The following NCOA7 variants were observed in gnomAD, a reference collection of about 807,000 sequenced individuals.
The protein encoded by NCOA7 is nuclear receptor coactivator 7.
NCOA7 carries 45 observed loss-of-function variants against 104.3 expected under a neutral mutation model. The ratio of observed to expected loss-of-function variants is 0.43; its 90% CI spans 0.34 to 0.55. The LOEUF (loss-of-function observed/expected upper bound fraction) is 0.55, where lower values mean the gene tolerates loss of function less well. Ranked by LOEUF, NCOA7 falls within the 20% of genes least tolerant of loss-of-function variation. NCOA7 has a pLI of 0.02. For missense variants in NCOA7, 1,041 were observed against 1,119.7 expected (o/e 0.93, Z 1.00); for synonymous variants, 398 against 402.3 (o/e 0.99, Z 0.13).
intron 7 of NCOA7, among the ~76,000 whole-genome samples, chr6:125,883,097 G>C (rs1221060123): frequency 6.6e-6 from 1 of 152,178 alleles, no homozygotes; most frequent in African/African-American, 2.4e-5. Flanking sequence ...AATATCTGCT[G>C]TATCTTCTTT....
intron 11 of NCOA7, among the ~76,000 whole-genome samples, chr6:125,920,282 C>T (rs1237923323): frequency 2.0e-5 from 3 of 152,138 alleles, no homozygotes; most frequent in African/African-American, 4.8e-5. Context: ...TGTTATCATT[C>T]GTTATTTCTA....
chr6:125,897,171 A>G (rs1340675511), intron 10 of NCOA7, among the ~76,000 whole-genome samples: 1 of 152,226 alleles, frequency 6.6e-6, no homozygotes, highest in Non-Finnish European at 1.5e-5. Context: ...TATATACCTG[A>G]TAGTCCAATT....
chr6:125,802,640 G>A (rs576723297), intron 1 of NCOA7, among the ~76,000 whole-genome samples: 2 of 152,200 alleles, frequency 1.3e-5, no homozygotes, highest in African/African-American at 4.8e-5. Context: ...GAGCTGCACA[G>A]CAAAGGGTAC....
intron 15 of NCOA7, 70 bp from the exon 16 acceptor site, chr6:125,928,566 G>A (rs1057349214): frequency 2.0e-5 from 30 of 1,518,074 alleles, no homozygotes; most frequent in Non-Finnish European, 2.6e-5. Context: ...GAAGATGGGG[G>A]CAAGAGAGAA....
chr6:125,813,195 A>G (rs2128568484), intron 1 of NCOA7, among the ~76,000 whole-genome samples: 1 of 152,258 alleles, frequency 6.6e-6, no homozygotes, highest in Non-Finnish European at 1.5e-5. Flanking sequence ...ATGGCTCTGC[A>G]AATGCTGCCG....
chr6:125,870,700 T>TGA (rs1320647752), intron 3 of NCOA7, among the ~76,000 whole-genome samples: 3 of 152,112 alleles, frequency 2.0e-5, no homozygotes, highest in African/African-American at 4.8e-5. Flanking sequence ...CCCCAGTTCA[T>TGA]GAGAGAGAGA....
intron 3 of NCOA7, among the ~76,000 whole-genome samples, chr6:125,861,690 G>A (rs1782061087): frequency 6.6e-6 from 1 of 152,136 alleles, no homozygotes; most frequent in Non-Finnish European, 1.5e-5. Flanking sequence ...GTGGTGAGAG[G>A]ACAAACCTGA....
At chr6:125,903,434 T>G (rs1237657677) in intron 10 of NCOA7, among the ~76,000 whole-genome samples, 1 of 152,172 alleles carries the variant, frequency 6.6e-6, no homozygotes, top group Non-Finnish European at 1.5e-5. Flanking sequence ...ACAGCAGTCC[T>G]TCTCAAGCAC....
At chr6:125,905,882 C>T (rs1019890079) in intron 10 of NCOA7, among the ~76,000 whole-genome samples, 2 of 152,122 alleles carry the variant, frequency 1.3e-5, no homozygotes, top group African/African-American at 4.8e-5. Flanking sequence ...CTGACTACAA[C>T]CTCCGCCTCC....
chr6:125,917,624 G>C (rs1414725383), intron 11 of NCOA7, among the ~76,000 whole-genome samples: 1 of 152,174 alleles, frequency 6.6e-6, no homozygotes, highest in East Asian at 1.9e-4. Flanking sequence ...TTTTGCTAAG[G>C]TTGAGGATGC....
chr6:125,814,280 G>T (rs1777368787), intron 1 of NCOA7, among the ~76,000 whole-genome samples: 1 of 152,254 alleles, frequency 6.6e-6, no homozygotes, highest in Non-Finnish European at 1.5e-5. Context: ...TCAACCTCCG[G>T]AGTAGCTGGG....
At chr6:125,890,932 T>C in intron 10 of NCOA7, 122 bp downstream of exon 10, 1 of 1,004,514 alleles carries the variant, frequency 1.0e-6, no homozygotes, top group Admixed American at 3.7e-5. Flanking sequence ...ATTGTAGATT[T>C]TAGAATTCTA....
intron 1 of NCOA7, among the ~76,000 whole-genome samples, chr6:125,806,014 A>C: frequency 6.6e-6 from 1 of 152,150 alleles, no homozygotes; most frequent in Non-Finnish European, 1.5e-5. Flanking sequence ...TAGGTGGTGG[A>C]GTCTGGATTT....
chr6:125,891,462 CAATT>C (rs1336935870), intron 10 of NCOA7, among the ~76,000 whole-genome samples: 13 of 152,182 alleles, frequency 8.5e-5, no homozygotes, highest in East Asian at 7.7e-4. Context: ...TTTTAGAAAA[CAATT>C]AATTGCTTTT....
At chr6:125,914,634 T>C (rs1374148526) in intron 10 of NCOA7, among the ~76,000 whole-genome samples, 4 of 152,236 alleles carry the variant, frequency 2.6e-5, no homozygotes, top group African/African-American at 7.2e-5. Flanking sequence ...CCTGTTGTGA[T>C]GGTTATAGTA....
At chr6:125,809,266 G>A (rs370732541) in intron 1 of NCOA7, among the ~76,000 whole-genome samples, 2 of 151,954 alleles carry the variant, frequency 1.3e-5, no homozygotes, top group African/African-American at 2.4e-5. Flanking sequence ...TAGGCTCACT[G>A]CAACCTCCGC....
chr6:125,790,708 T>C (rs901917777), upstream of NCOA7: 5 of 151,956 alleles, frequency 3.3e-5, no homozygotes, highest in African/African-American at 1.2e-4. Context: ...CTGCACAGCG[T>C]CGCGCCACCC....
chr6:125,791,054 C>T lies in NCOA7; in HGVS notation c.-78C>T, dbSNP rs1174233993. The T allele has an allele frequency of 6.5e-6, 1 of 153,414 alleles. No homozygotes were observed. Among genetic ancestry groups the T allele is most frequent in the Admixed American group, 6.5e-5 (1 of 15,310 alleles). The allele number at this position is 153,414 out of a possible 1,614,324, so 9.5% of individuals were successfully genotyped here. ...TTCTCCCGGACCCCAGGAGCCGGCG[C>T]CCCCGCCCTGTAGGTAGGTGGTGAG... On this transcript the variant is annotated 5_prime_UTR_variant, in exon 1 of 16. Transcript: ENST00000392477.
chr6:125,840,506 G>T (rs539641539), intron 2 of NCOA7, among the ~76,000 whole-genome samples: 1 of 151,932 alleles, frequency 6.6e-6, no homozygotes, highest in East Asian at 1.9e-4. Context: ...ACCCTATACA[G>T]GTATATCATT....
Sources: allele counts gnomAD v4.1 joint callset (sites outside exome capture counted in the v4.1 genomes callset), GRCh38; gene constraint gnomAD v4.1.1; transcripts MANE v1.5; gene names NCBI Gene and HGNC (gene_info 2026-07-23, HGNC 2026-07-21).